Variants in KDM4C observed in about 807,000 individuals in gnomAD.
KDM4C encodes the protein lysine demethylase 4C.
A neutral mutation model predicts 129.3 loss-of-function variants in KDM4C; 81 were observed. The observed-to-expected ratio is 0.63, with a 90% CI of 0.52 to 0.75. The LOEUF is 0.75. KDM4C is among the 30% of genes least tolerant of loss of function. The pLI, the probability that KDM4C is intolerant of heterozygous loss-of-function variation, is 0.00. For synonymous variants in KDM4C, 573 were observed against 456.1 expected, an observed-to-expected ratio of 1.26 and a Z score of -3.26; for missense variants, 1,457 against 1,304.0, an observed-to-expected ratio of 1.12 and a Z score of -1.81.
intron 15 of KDM4C, among the ~76,000 whole-genome samples, chr9:7,036,326 G>C (rs1392121048): frequency 6.6e-6 from 1 of 152,148 alleles, no homozygotes; most frequent in Admixed American, 6.5e-5. Flanking sequence ...GTTGTATAAC[G>C]TTAACAAAGT....
chr9:6,793,836 C>T (rs1482933704), intron 2 of KDM4C, among the ~76,000 whole-genome samples: 3 of 152,014 alleles, frequency 2.0e-5, no homozygotes, highest in South Asian at 2.1e-4. Flanking sequence ...AGCCACTGTG[C>T]CCGGCCTCTT....
chr9:6,751,441 G>T (rs1242633470), intron 1 of KDM4C, among the ~76,000 whole-genome samples: 1 of 151,956 alleles, frequency 6.6e-6, no homozygotes, highest in Admixed American at 6.6e-5. Context: ...CCCAGATCCT[G>T]TCTTAAAATT....
At chr9:7,170,931 A>G (rs1226947869) in intron 21 of KDM4C, 2 of 222,366 alleles carry the variant, frequency 9.0e-6, no homozygotes, top group Non-Finnish European at 1.5e-5. Flanking sequence ...AAAAAAAAAA[A>G]AAAAAAGCAA....
rs1473358258 is a variant in KDM4C at position 6,834,936 on chromosome 9, A to T, written c.436-14571A>T. ...ATGGACTCCGGTGACGGGGTCACCCACAGTGTGCCCATCTGCGAGGGATAT... is the reference window on the plus strand; with the variant it reads ...ATGGACTCCGGTGACGGGGTCACCCTCAGTGTGCCCATCTGCGAGGGATAT... On this transcript the variant is annotated intron_variant, in intron 4 of 21. Coordinates refer to ENST00000381309, the MANE Select transcript of KDM4C (RefSeq NM_015061.6). The T allele has an allele frequency of 2.7e-6, 3 of 1,115,572 alleles. No individual in the cohort carries two copies. The African/African-American group carries it at 4.6e-5, about 17-fold the overall frequency. 69.1% of individuals were successfully genotyped at this position (1,115,572 alleles called of 1,614,324 possible). A position where few individuals can be genotyped will look rare whatever the true frequency, so the allele number is the denominator to read the frequency against.
rs115646548 is a variant in KDM4C at position 6,884,232 on chromosome 9, C to T, written c.680-3728C>T. ...TCTATCCATTCCTGAGTAACCACTC[C>T]GTGAACGTTAGCAAGCACCAAGAGG... On this transcript the variant is annotated intron_variant, in intron 6 of 21. Transcript: ENST00000381309. Among the ~76,000 whole-genome samples, 962 of 152,200 alleles carry T rather than the reference C, an allele frequency of 6.3e-3. 16 individuals are homozygous for T. Among genetic ancestry groups the T allele is most frequent in the African/African-American group, 0.022 (922 of 41,506 alleles).
At chr9:7,170,137 T>C in intron 21 of KDM4C, 2 of 1,370,226 alleles carry the variant, frequency 1.5e-6, no homozygotes, top group Non-Finnish European at 1.9e-6. Flanking sequence ...TGTTGACATT[T>C]ATTGGTGCAC....
intron 1 of KDM4C, among the ~76,000 whole-genome samples, chr9:6,781,753 G>A (rs1260833625): frequency 6.6e-6 from 1 of 152,034 alleles, no homozygotes; most frequent in Non-Finnish European, 1.5e-5. Flanking sequence ...ATTTTTCATT[G>A]CGCTATGCGT....
chr9:7,129,160 A>G (rs930381209), intron 19 of KDM4C, among the ~76,000 whole-genome samples: 4 of 152,060 alleles, frequency 2.6e-5, no homozygotes, highest in Non-Finnish European at 5.9e-5. Context: ...TTGTATTTGG[A>G]AAGATATTTT....
rs984754973 is a variant in KDM4C at position 6,734,294 on chromosome 9, T to G, written c.49+13297T>G. On this transcript the variant is annotated intron_variant, in intron 1 of 17. Transcript: ENST00000536108. Reference sequence around the variant, plus strand: ...TTATGTAAACCCATGTTTGGTTTTTTTTTTTTTTTTTTTTTTTTAGATGGA... The same window carrying G: ...TTATGTAAACCCATGTTTGGTTTTTGTTTTTTTTTTTTTTTTTTAGATGGA... Among the ~76,000 whole-genome samples the G allele has an allele frequency of 2.1e-5, 3 of 145,850 alleles. No homozygotes were observed. The East Asian group carries it at 5.8e-4, about 28-fold the overall frequency.
intron 5 of KDM4C, among the ~76,000 whole-genome samples, chr9:6,866,650 C>T (rs111586374): frequency 0.011 from 1,688 of 152,022 alleles, 28 homozygotes; most frequent in African/African-American, 0.038. Flanking sequence ...CAGTGTCCTC[C>T]TAGGAAACCC....
intron 1 of KDM4C, among the ~76,000 whole-genome samples, chr9:6,769,924 T>G (rs1223438758): frequency 1.3e-5 from 2 of 152,232 alleles, no homozygotes; most frequent in Non-Finnish European, 2.9e-5. Flanking sequence ...CTCATGCCTA[T>G]AATCACAGCA....
intron 12 of KDM4C, among the ~76,000 whole-genome samples, chr9:6,993,827 A>G (rs7863941): frequency 0.045 from 6,882 of 152,248 alleles, 293 homozygotes; most frequent in African/African-American, 0.12. Context: ...CTGGAATTGT[A>G]AAATGCTTCA....
rs115629410 is a variant in KDM4C, at chr9:6,830,793, G to T, written c.435+16048G>T. On this transcript the variant is annotated intron_variant, in intron 4 of 21. Coordinates refer to ENST00000381309, the MANE Select transcript of KDM4C (RefSeq NM_015061.6). Reference sequence around the variant, plus strand: ...TTATGAAGAATAAAAGGGAAACTCAGTAGCACCAGCCCTCTGCCATGTGTT... The same window carrying T: ...TTATGAAGAATAAAAGGGAAACTCATTAGCACCAGCCCTCTGCCATGTGTT... 7.9e-3 allele frequency among the ~76,000 whole-genome samples: 1,201 copies of T among 152,328 alleles called. 18 individuals are homozygous for T. Among genetic ancestry groups the T allele is most frequent in the African/African-American group, 0.028 (1,152 of 41,560 alleles).
intron 5 of KDM4C, among the ~76,000 whole-genome samples, chr9:6,877,623 CTT>C (rs1167446586): frequency 6.6e-6 from 1 of 152,200 alleles, no homozygotes; most frequent in African/African-American, 2.4e-5. Context: ...ATAGTAGTAT[CTT>C]TTGAGCAAGA....
At position 6,863,811 on chromosome 9, in the gene KDM4C, A is replaced by AG. The variant is rs1388866850; in HGVS notation, c.629+14111_629+14112insG. On this transcript the variant is annotated intron_variant, in intron 5 of 21. Transcript: ENST00000381309. ...TCCATCTCAAAAAAAAAAAAAAAAA[A>AG]AGAGAGAGAGAAGGAAGGGAGGGCC... Among the ~76,000 whole-genome samples the AG allele has an allele frequency of 5.6e-3, 826 of 147,538 alleles. 12 individuals carry two copies. The highest frequency in any genetic ancestry group is 0.017 in the African/African-American group (697 of 40,034).
intron 8 of KDM4C, among the ~76,000 whole-genome samples, chr9:6,934,253 A>G (rs1375344561): frequency 6.6e-6 from 1 of 151,788 alleles, no homozygotes; most frequent in Non-Finnish European, 1.5e-5. Flanking sequence ...AGGCGGAGGC[A>G]GGCTGATCAT....
intron 5 of KDM4C, among the ~76,000 whole-genome samples, chr9:6,854,513 G>A (rs1156573470): frequency 3.5e-5 from 3 of 86,740 alleles, no homozygotes; most frequent in African/African-American, 9.4e-5. Flanking sequence ...CAACAAGAGC[G>A]AAACTCCGTC....
At chr9:7,000,428 C>T (rs60838219) in intron 12 of KDM4C, among the ~76,000 whole-genome samples, 1 of 152,262 alleles carries the variant, frequency 6.6e-6, no homozygotes, top group African/African-American at 2.4e-5. Flanking sequence ...GTGCTAAAAG[C>T]ATGGAGATTG....
intron 8 of KDM4C, among the ~76,000 whole-genome samples, chr9:6,914,743 G>A (rs1344214428): frequency 3.3e-5 from 5 of 152,150 alleles, no homozygotes; most frequent in African/African-American, 9.7e-5. Context: ...AAGCAAATTC[G>A]CCTTCCCCAT....
Sources: allele counts gnomAD v4.1 joint callset (sites outside exome capture counted in the v4.1 genomes callset), GRCh38; gene constraint gnomAD v4.1.1; transcripts MANE v1.5; gene names NCBI Gene and HGNC (gene_info 2026-07-23, HGNC 2026-07-21).